The following HRH1 variants were observed in gnomAD, a reference collection of about 807,000 sequenced individuals.
HRH1 encodes histamine receptor H1.
HRH1 carries 6 observed loss-of-function variants against 10.3 expected under a neutral mutation model. The ratio of observed to expected loss-of-function variants is 0.58; its 90% confidence interval spans 0.32 to 1.15. The LOEUF is 1.15. Among genes scored for constraint, HRH1 ranks in the 50% most tolerant of loss-of-function variants. The pLI is 0.05. For missense variants in HRH1, 514 were observed against 615.3 expected, an observed-to-expected ratio of 0.84 and a Z score of 1.74; for synonymous variants, 242 against 236.7, an observed-to-expected ratio of 1.02 and a Z score of -0.21.
At chr3:11,159,235 G>C (rs1052854094) in intron 1 of HRH1, among the ~76,000 whole-genome samples, 2 of 152,112 alleles carry the variant, frequency 1.3e-5, no homozygotes, top group African/African-American at 4.8e-5. Context: ...GTGACAGAGT[G>C]AGACTCTGTC....
At chr3:11,216,698 C>G (rs375353665) in intron 1 of HRH1, among the ~76,000 whole-genome samples, 1 of 151,702 alleles carries the variant, frequency 6.6e-6, no homozygotes, top group African/African-American at 2.4e-5. Flanking sequence ...GGGTAACATA[C>G]TGAAATCCCG....
At chr3:11,189,513 A>G (rs776727306) in intron 1 of HRH1, among the ~76,000 whole-genome samples, 7 of 152,304 alleles carry the variant, frequency 4.6e-5, no homozygotes, top group African/African-American at 1.2e-4. Flanking sequence ...AAGTTTCGCA[A>G]TTCTCTAGGG....
At chr3:11,196,913 T>A (rs1469215934) in intron 1 of HRH1, among the ~76,000 whole-genome samples, 22 of 134,926 alleles carry the variant, frequency 1.6e-4, no homozygotes. Context: ...ATCGAGACCA[T>A]CCTGGCTAAC....
chr3:11,141,515 G>GATCC (rs1277676407), intron 1 of HRH1, among the ~76,000 whole-genome samples: 1 of 152,200 alleles, frequency 6.6e-6, no homozygotes, highest in African/African-American at 2.4e-5. Flanking sequence ...TTGGCTGGAG[G>GATCC]ATCCACTTCC....
intron 1 of HRH1, among the ~76,000 whole-genome samples, chr3:11,156,364 C>T (rs1263202227): frequency 6.6e-6 from 1 of 152,132 alleles, no homozygotes; most frequent in Non-Finnish European, 1.5e-5. Flanking sequence ...TTGGCCAATG[C>T]TGGGCTGGGA....
intron 1 of HRH1, among the ~76,000 whole-genome samples, chr3:11,216,246 G>T (rs1407432867): frequency 5.3e-5 from 8 of 152,152 alleles, no homozygotes; most frequent in Non-Finnish European, 1.0e-4. Context: ...GAATTACCAT[G>T]CCACCCAACA....
intron 1 of HRH1, among the ~76,000 whole-genome samples, chr3:11,248,011 A>C (rs2152584390): frequency 6.6e-6 from 1 of 152,208 alleles, no homozygotes; most frequent in South Asian, 2.1e-4. Flanking sequence ...GGGGTCATCT[A>C]TTCTAGAATT....
chr3:11,188,699 A>G (rs1937492386), intron 1 of HRH1, among the ~76,000 whole-genome samples: 1 of 152,246 alleles, frequency 6.6e-6, no homozygotes, highest in African/African-American at 2.4e-5. Flanking sequence ...GCAAATCTGT[A>G]TGATAGAAAT....
At chr3:11,198,333 C>T (rs972055927) in intron 1 of HRH1, among the ~76,000 whole-genome samples, 2 of 152,140 alleles carry the variant, frequency 1.3e-5, no homozygotes, top group Admixed American at 6.5e-5. Flanking sequence ...CAATTCCCGA[C>T]GCTCTTAACA....
intron 1 of HRH1, among the ~76,000 whole-genome samples, chr3:11,223,419 A>C (rs953751393): frequency 5.3e-5 from 8 of 151,970 alleles, no homozygotes; most frequent in Non-Finnish European, 1.0e-4. Flanking sequence ...GCATGGTGTG[A>C]ACCCAGGAGG....
intron 1 of HRH1, among the ~76,000 whole-genome samples, chr3:11,195,269 A>G (rs370876681): frequency 5.8e-4 from 88 of 152,210 alleles, no homozygotes; most frequent in African/African-American, 2.0e-3. Flanking sequence ...GCTTCTGCAA[A>G]GTTGTTTTCC....
chr3:11,176,921 C>T lies in HRH1; in HGVS notation c.-36+22367C>T, dbSNP rs1173932878. On this transcript the variant is annotated intron_variant, in intron 1 of 1. Coordinates refer to ENST00000431010, the MANE Select transcript of HRH1 (RefSeq NM_001098212.2). The stretch of plus-strand genomic sequence containing the variant: ...CGGCCTGGCCAACATGATGAAACTC[C>T]GTCTCTATGAAAAATACAAAAATTA... 5.9e-5 allele frequency among the ~76,000 whole-genome samples: 9 copies of T among 152,030 alleles called. No homozygotes were observed. The South Asian group carries it at 1.0e-3, about 18-fold the overall frequency.
At chr3:11,138,035 A>AGACGG (rs1219349741) in intron 1 of HRH1, among the ~76,000 whole-genome samples, 1 of 151,508 alleles carries the variant, frequency 6.6e-6, no homozygotes, top group African/African-American at 2.4e-5. Flanking sequence ...TTTTTTTTTG[A>AGACGG]GACGGAGTCT....
At position 11,260,675 on chromosome 3, in the gene HRH1, G is replaced by A. The variant is rs1257838503; in HGVS notation, c.*174G>A. On this transcript the variant is annotated 3_prime_UTR_variant, in exon 2 of 2. Coordinates refer to ENST00000431010, the MANE Select transcript of HRH1 (RefSeq NM_001098212.2). ...AGGCACCATAGAAGAACAGCAGATG[G>A]CGGTGATCAGCAGAGAGATTGAACT... is the stretch of plus-strand genomic sequence containing the variant. 1.7e-6 allele frequency: 1 copy of A among 599,978 alleles called. No individual in the cohort carries two copies. The highest frequency in any genetic ancestry group is 1.8e-5 in the African/African-American group (1 of 54,714). The allele number at this position is 599,978 out of a possible 1,614,324, so 37.2% of individuals were successfully genotyped here.
At chr3:11,164,069 A>G (rs1466059132) in intron 1 of HRH1, among the ~76,000 whole-genome samples, 1 of 152,208 alleles carries the variant, frequency 6.6e-6, no homozygotes, top group African/African-American at 2.4e-5. Flanking sequence ...GAATGAATGA[A>G]TGAATGAATG....
chr3:11,231,207 C>T (rs1939030040), intron 1 of HRH1, among the ~76,000 whole-genome samples: 1 of 152,174 alleles, frequency 6.6e-6, no homozygotes, highest in Non-Finnish European at 1.5e-5. Context: ...GTGTAGTATT[C>T]CACAGTTGGT....
chr3:11,150,839 G>A (rs1422866851), upstream of HRH1, among the ~76,000 whole-genome samples: 1 of 152,150 alleles, frequency 6.6e-6, no homozygotes. Context: ...TCCTAGAGGA[G>A]GGAAGAAGGA....
intron 1 of HRH1, among the ~76,000 whole-genome samples, chr3:11,185,463 C>A (rs454180): frequency 2.6e-5 from 4 of 151,972 alleles, no homozygotes; most frequent in Admixed American, 6.5e-5. Context: ...TGAGCAAGAA[C>A]TGTGTCTCAC....
intron 1 of HRH1, among the ~76,000 whole-genome samples, chr3:11,218,911 G>T (rs1311372436): frequency 6.6e-6 from 1 of 151,394 alleles, no homozygotes; most frequent in Non-Finnish European, 1.5e-5. Flanking sequence ...TATTTTTGGA[G>T]ACAGAGTCTT....
Sources: allele counts gnomAD v4.1 joint callset (sites outside exome capture counted in the v4.1 genomes callset), GRCh38; gene constraint gnomAD v4.1.1; transcripts MANE v1.5; gene names NCBI Gene and HGNC (gene_info 2026-07-23, HGNC 2026-07-21).